The following VRK2 variants were observed in gnomAD, a reference collection of about 807,000 sequenced individuals.
VRK2 encodes the protein VRK serine/threonine kinase 2.
A neutral mutation model predicts 57.6 loss-of-function variants in VRK2; 60 were observed. The observed-to-expected ratio is 1.04, with a 90% CI of 0.85 to 1.29. VRK2 has a LOEUF of 1.29. Ranked by LOEUF, VRK2 falls within the 50% of genes most tolerant of loss-of-function variation. VRK2 has a pLI of 0.00. For synonymous variants in VRK2, 231 were observed against 199.2 expected (o/e 1.16, Z -1.35); for missense variants, 705 against 588.1 (o/e 1.20, Z -2.06).
chr2:57,958,732 T>C (rs544122953), intron 1 of VRK2, among the ~76,000 whole-genome samples: 1 of 152,278 alleles, frequency 6.6e-6, no homozygotes, highest in African/African-American at 2.4e-5. Flanking sequence ...AATTTTTTAA[T>C]GTATTCAACG....
chr2:57,972,369 T>C (rs1445843795), intron 1 of VRK2, among the ~76,000 whole-genome samples: 1 of 151,924 alleles, frequency 6.6e-6, no homozygotes, highest in Non-Finnish European at 1.5e-5. Flanking sequence ...CCAAAAGTTT[T>C]AATTCCTAAT....
intron 2 of VRK2, among the ~76,000 whole-genome samples, chr2:58,068,820 A>G (rs1158459807): frequency 6.6e-6 from 1 of 151,172 alleles, no homozygotes; most frequent in Non-Finnish European, 1.5e-5. Context: ...GGAAAAAAAA[A>G]AAAAAAAAAC....
intron 1 of VRK2, among the ~76,000 whole-genome samples, chr2:57,951,360 A>T (rs541824694): frequency 6.6e-6 from 1 of 152,312 alleles, no homozygotes; most frequent in Admixed American, 6.5e-5. Context: ...CAGACGAGCA[A>T]AGAAAGTGGT....
chr2:57,994,657 C>T (rs1672871174), intron 1 of VRK2, among the ~76,000 whole-genome samples: 1 of 151,952 alleles, frequency 6.6e-6, no homozygotes, highest in South Asian at 2.1e-4. Context: ...GTCTCAGGGC[C>T]CCCTTGGACT....
intron 1 of VRK2, among the ~76,000 whole-genome samples, chr2:58,019,959 A>G (rs1385812756): frequency 6.6e-6 from 1 of 152,248 alleles, no homozygotes; most frequent in Non-Finnish European, 1.5e-5. Context: ...AGCATTAAAA[A>G]TAAAAATAAA....
chr2:57,963,932 G>A (rs1671834766), intron 1 of VRK2, among the ~76,000 whole-genome samples: 1 of 152,122 alleles, frequency 6.6e-6, no homozygotes, highest in East Asian at 1.9e-4. Context: ...TAGTGCTCCA[G>A]GAACCATTTA....
chr2:58,014,658 A>C (rs1673520593), intron 1 of VRK2, among the ~76,000 whole-genome samples: 1 of 152,210 alleles, frequency 6.6e-6, no homozygotes, highest in Middle Eastern at 3.2e-3. Flanking sequence ...TATGCAAGAC[A>C]CTATGTTTGG....
At chr2:57,943,211 G>T (rs72947163) in intron 1 of VRK2, among the ~76,000 whole-genome samples, 1 of 152,080 alleles carries the variant, frequency 6.6e-6, no homozygotes, top group Admixed American at 6.5e-5. Context: ...TATCCAAGAA[G>T]GTACACAAGA....
chr2:58,120,956 A>G (rs1677407041), intron 7 of VRK2, among the ~76,000 whole-genome samples: 1 of 152,170 alleles, frequency 6.6e-6, no homozygotes, highest in Admixed American at 6.5e-5. Flanking sequence ...ACTCTCATCT[A>G]TATTGCACTC....
intron 1 of VRK2, among the ~76,000 whole-genome samples, chr2:58,013,998 T>C (rs1673497752): frequency 6.6e-6 from 1 of 152,078 alleles, no homozygotes; most frequent in Non-Finnish European, 1.5e-5. Flanking sequence ...AATACTTTCA[T>C]AATACTTTCA....
intron 1 of VRK2, among the ~76,000 whole-genome samples, chr2:57,914,216 C>T (rs1670077088): frequency 6.6e-6 from 1 of 151,128 alleles, no homozygotes; most frequent in African/African-American, 2.4e-5. Context: ...TAGCCAAGAT[C>T]CCAATGTTTA....
chr2:58,147,210 T>G, intron 12 of VRK2: 1 of 517,660 alleles, frequency 1.9e-6, no homozygotes, highest in South Asian at 1.4e-5. Context: ...AATTTGGCTC[T>G]GAACTTCTTG....
chr2:58,075,050 A>G lies in VRK2; in HGVS notation c.137-9039A>G, dbSNP rs115682187. 3.3e-3 allele frequency among the ~76,000 whole-genome samples: 509 copies of G among 152,126 alleles called. 10 individuals carry two copies. The highest frequency in any genetic ancestry group is 0.012 in the African/African-American group (486 of 41,518). ...TCAGTGCTCACCCTTCTCCTACCCT[A>G]TACCCTTAAGTAGGCGCCGTTGTCT... On this transcript the variant is annotated intron_variant, in intron 2 of 12. Coordinates refer to ENST00000340157, the MANE Select transcript of VRK2 (RefSeq NM_006296.7).
rs552892940 is a variant in VRK2 at position 57,978,306 on chromosome 2, T to C, written c.-438-47359T>C. On this transcript the variant is annotated intron_variant, in intron 1 of 15. Transcript: ENST00000417641. The stretch of plus-strand genomic sequence containing the variant: ...TACAGATGGACATAGTCAGAAACAA[T>C]TAGAAAAAAATTATTACAGTAATTC... Among the ~76,000 whole-genome samples the C allele has an allele frequency of 3.3e-5, 5 of 151,134 alleles. 1 individual carries two copies. The South Asian group carries it at 1.0e-3, about 31-fold the overall frequency.
At chr2:57,967,933 T>C (rs1478176683) in intron 1 of VRK2, among the ~76,000 whole-genome samples, 1 of 151,954 alleles carries the variant, frequency 6.6e-6, no homozygotes, top group Non-Finnish European at 1.5e-5. Flanking sequence ...ATACAAAACT[T>C]AGAATTAACA....
chr2:58,077,474 G>T (rs1670278349), intron 2 of VRK2, among the ~76,000 whole-genome samples: 2 of 151,900 alleles, frequency 1.3e-5, no homozygotes, highest in South Asian at 4.1e-4. Context: ...CTTAGAAAAA[G>T]TTAGACTAGG....
chr2:58,147,521 T>TC (rs959463940), intron 12 of VRK2, among the ~76,000 whole-genome samples: 14 of 151,948 alleles, frequency 9.2e-5, no homozygotes, highest in Admixed American at 3.3e-4. Context: ...CTTACTTAAG[T>TC]CCACCAAAAT....
chr2:58,152,423 A>G (rs1438368778), intron 12 of VRK2, among the ~76,000 whole-genome samples: 1 of 151,870 alleles, frequency 6.6e-6, no homozygotes, highest in Non-Finnish European at 1.5e-5. Flanking sequence ...TTTTGCTTTT[A>G]CATGTGTAAT....
intron 2 of VRK2, among the ~76,000 whole-genome samples, chr2:58,030,893 G>T (rs1032358599): frequency 3.3e-5 from 5 of 152,070 alleles, no homozygotes; most frequent in Admixed American, 1.3e-4. Context: ...GAGATACCAT[G>T]TAAGAAGTGC....
Sources: gnomAD v4.1 joint callset for allele counts (sites outside exome capture counted in the v4.1 genomes callset) on GRCh38, gnomAD v4.1.1 for gene constraint, MANE v1.5 for transcripts, NCBI Gene and HGNC (gene_info 2026-07-23, HGNC 2026-07-21) for gene names.